SAMMSON: variants seen among roughly 807,000 people sequenced by gnomAD.
SAMMSON encodes the protein survival associated mitochondrial melanoma specific oncogenic non-coding RNA, also known as long intergenic non-protein coding RNA 1212.
rs574955424 is a variant in SAMMSON, at chr3:70,057,274, C to T, written n.418-14202C>T. Among the ~76,000 whole-genome samples the T allele has an allele frequency of 4.9e-4, 74 of 151,956 alleles. 2 individuals are homozygous for T. Among genetic ancestry groups the T allele is most frequent in the South Asian group, 4.2e-3 (20 of 4,802 alleles). The stretch of plus-strand genomic sequence containing the variant: ...AATATGCCCTTCTTTTCTATCTTAC[C>T]CCCTTCCCTCTCTACTTTTGAATGC... On this transcript the variant is annotated intron_variant and non_coding_transcript_variant, in intron 3 of 9. Coordinates refer to ENST00000642114, the Ensembl canonical transcript of SAMMSON.
At chr3:70,368,436 G>GA (rs1575635001) in intron 9 of SAMMSON, among the ~76,000 whole-genome samples, 1 of 151,626 alleles carries the variant, frequency 6.6e-6, no homozygotes, top group South Asian at 2.1e-4. Flanking sequence ...TTGCCTGAGT[G>GA]AAAAAAATTT....
chr3:70,417,849 G>A (rs929303554), intron 2 of SAMMSON, among the ~76,000 whole-genome samples: 1 of 152,070 alleles, frequency 6.6e-6, no homozygotes, highest in African/African-American at 2.4e-5. Flanking sequence ...AGCCAGGCTG[G>A]GTCTTATGCC....
chr3:70,310,927 A>T (rs377284792), intron 7 of SAMMSON, among the ~76,000 whole-genome samples: 2 of 152,158 alleles, frequency 1.3e-5, no homozygotes, highest in African/African-American at 4.8e-5. Context: ...ATTTTAGGCA[A>T]GTTACTAGAA....
intron 6 of SAMMSON, among the ~76,000 whole-genome samples, chr3:70,271,089 T>C (rs1701972212): frequency 6.6e-6 from 1 of 152,108 alleles, no homozygotes; most frequent in Non-Finnish European, 1.5e-5. Context: ...CATAGGCCAT[T>C]TATCGAAGCT....
chr3:70,053,256 G>T (rs2067153025), intron 3 of SAMMSON, among the ~76,000 whole-genome samples: 1 of 152,178 alleles, frequency 6.6e-6, no homozygotes, highest in Non-Finnish European at 1.5e-5. Flanking sequence ...TAGAGCTGCA[G>T]CTTCTTGACT....
chr3:70,419,325 G>A (rs887372198), intron 2 of SAMMSON, among the ~76,000 whole-genome samples: 23 of 152,026 alleles, frequency 1.5e-4, no homozygotes, highest in African/African-American at 1.7e-4. Flanking sequence ...GAGCCACTGC[G>A]CCTGGCCAGA....
chr3:70,206,211 T>C (rs1701289571), intron 4 of SAMMSON, among the ~76,000 whole-genome samples: 1 of 152,096 alleles, frequency 6.6e-6, no homozygotes, highest in Admixed American at 6.6e-5. Flanking sequence ...TATTTCTCTC[T>C]GCCTTCTTTT....
intron 4 of SAMMSON, among the ~76,000 whole-genome samples, chr3:70,099,773 C>T (rs2067335595): frequency 6.6e-6 from 1 of 152,190 alleles, no homozygotes; most frequent in South Asian, 2.1e-4. Flanking sequence ...ACGTGGTCCC[C>T]TCTGCAGTTA....
At chr3:70,341,676 T>C (rs1702711163) in intron 7 of SAMMSON, among the ~76,000 whole-genome samples, 1 of 152,114 alleles carries the variant, frequency 6.6e-6, no homozygotes. Context: ...AGAATATAAA[T>C]GTGATGCCTG....
intron 2 of SAMMSON, among the ~76,000 whole-genome samples, chr3:70,399,251 G>A (rs1701118838): frequency 6.6e-6 from 1 of 152,106 alleles, no homozygotes; most frequent in South Asian, 2.1e-4. Flanking sequence ...ACACTAGTGG[G>A]CAAATTCCAG....
intron 3 of SAMMSON, among the ~76,000 whole-genome samples, chr3:70,036,319 T>C (rs2067084784): frequency 6.6e-6 from 1 of 152,148 alleles, no homozygotes; most frequent in South Asian, 2.1e-4. Context: ...TTATAATTTC[T>C]TGGCGACCCA....
chr3:70,200,846 G>A (rs563820019), intron 4 of SAMMSON, among the ~76,000 whole-genome samples: 9 of 151,832 alleles, frequency 5.9e-5, no homozygotes, highest in East Asian at 3.9e-4. Context: ...CTGTAAGATC[G>A]TAGAGCAGAG....
intron 7 of SAMMSON, among the ~76,000 whole-genome samples, chr3:70,349,177 C>T (rs1283494344): frequency 1.3e-5 from 2 of 152,052 alleles, no homozygotes; most frequent in African/African-American, 2.4e-5. Context: ...GATTTGAGAC[C>T]AGCCTGGCCA....
chr3:70,265,121 A>G (rs931661922), intron 6 of SAMMSON, among the ~76,000 whole-genome samples: 2 of 152,204 alleles, frequency 1.3e-5, no homozygotes, highest in Admixed American at 6.5e-5. Flanking sequence ...GGTCCCTCCC[A>G]TGACATGTGG....
At chr3:70,137,931 G>A (rs1009557016) in intron 4 of SAMMSON, among the ~76,000 whole-genome samples, 3 of 152,046 alleles carry the variant, frequency 2.0e-5, no homozygotes, top group Non-Finnish European at 4.4e-5. Context: ...ATATATCACA[G>A]TTTTTAAGTA....
chr3:70,234,465 A>G (rs1436946952), intron 4 of SAMMSON, among the ~76,000 whole-genome samples: 1 of 152,016 alleles, frequency 6.6e-6, no homozygotes, highest in African/African-American at 2.4e-5. Context: ...CCTGGGCAAC[A>G]TAACAAAACC....
chr3:70,346,218 C>G (rs1197960264), intron 7 of SAMMSON, among the ~76,000 whole-genome samples: 1 of 151,750 alleles, frequency 6.6e-6, no homozygotes, highest in Non-Finnish European at 1.5e-5. Context: ...ATTTGCCTTT[C>G]CCTAATGATA....
At chr3:70,293,715 A>AT (rs1486201079) in intron 7 of SAMMSON, among the ~76,000 whole-genome samples, 4 of 152,010 alleles carry the variant, frequency 2.6e-5, no homozygotes, top group Non-Finnish European at 5.9e-5. Flanking sequence ...AAGTAACAGG[A>AT]TTTTTTTAAA....
intron 9 of SAMMSON, among the ~76,000 whole-genome samples, chr3:70,385,832 G>C (rs1703119301): frequency 6.6e-6 from 1 of 152,088 alleles, no homozygotes; most frequent in South Asian, 2.1e-4. Context: ...AACAGTGGTA[G>C]AGTTGTTATG....
Sources: allele counts gnomAD v4.1 joint callset (sites outside exome capture counted in the v4.1 genomes callset), GRCh38; gene constraint gnomAD v4.1.1; transcripts MANE v1.5; gene names NCBI Gene and HGNC (gene_info 2026-07-23, HGNC 2026-07-21).